The following ACAP3 variants were observed in gnomAD, a reference collection of about 807,000 sequenced individuals.
ACAP3 encodes the protein arf-GAP with coiled-coil, ANK repeat and PH domain-containing protein 3.
In ACAP3, 56 loss-of-function variants were observed where a neutral mutation model predicts 104.1. The observed-to-expected ratio is 0.54, with a 90% CI of 0.43 to 0.67. ACAP3 has a LOEUF of 0.67. Ranked by LOEUF, ACAP3 falls within the 30% of genes least tolerant of loss-of-function variation. The pLI is 0.00. For missense variants in ACAP3, 1,208 were observed against 1,174.9 expected (o/e 1.03, Z -0.41); for synonymous variants, 628 against 496.2 (o/e 1.27, Z -3.53).
intron 1 of ACAP3, chr1:1,307,473 G>C (rs945956811): frequency 7.8e-7 from 1 of 1,289,694 alleles, no homozygotes. Flanking sequence ...GGCCCGGGAG[G>C]GGCTCAGCCC....
chr1:1,293,691 A>T lies in ACAP3; in HGVS notation c.2378T>A (p.Met793Lys), dbSNP rs1640946418. The change falls in exon 24 of 24, where the codon ATG becomes AAG. Residue 793 changes from methionine to lysine, a missense_variant. Physicochemically the swap from Met to Lys is moderately conservative, Grantham distance 95. Coordinates refer to ENST00000354700, the MANE Select transcript of ACAP3 (RefSeq NM_030649.3). ...CTCGGCCTCGCGCATTTCCTCCGCC[A>T]TGCGCGCCAGACGGAGCCTACGGGG... is the stretch of plus-strand genomic sequence containing the variant. ...DIVTLLRLAR[M>K]AEEMREAEAA... is the part of the protein sequence containing the mutation. 7.0e-7 allele frequency: 1 copy of T among 1,429,636 alleles called. No homozygotes were observed. The highest frequency in any genetic ancestry group is 9.1e-7 in the Non-Finnish European group (1 of 1,103,900). 88.6% of individuals were successfully genotyped at this position (1,429,636 alleles called of 1,614,324 possible).
intron 1 of ACAP3, chr1:1,305,571 G>A (rs1174661353): frequency 6.6e-6 from 1 of 152,220 alleles, no homozygotes; most frequent in East Asian, 1.9e-4. Context: ...TGCTCATGGG[G>A]ACAGGGTGGG....
Position 1,303,730 on chromosome 1 carries a change from G to A in ACAP3, c.105+356C>T, listed in dbSNP as rs1570661357. 1 of 436,318 alleles carries A rather than the reference G, an allele frequency of 2.3e-6. No homozygotes were observed. Among genetic ancestry groups the A allele is most frequent in the Admixed American group, 3.9e-5 (1 of 25,324 alleles). The allele number at this position is 436,318 out of a possible 1,614,324, so 27.0% of individuals were successfully genotyped here. A position where few individuals can be genotyped will look rare whatever the true frequency, so the allele number is the denominator to read the frequency against. ...GACACGGCTCCCCCCTCCACGGCCT[G>A]TTGCCCCCTCCCCTTTCTCAGCCCC... On this transcript the variant is annotated intron_variant, in intron 2 of 23. Coordinates refer to ENST00000354700, the MANE Select transcript of ACAP3 (RefSeq NM_030649.3). This position sits in a 1 kb window ranked among gnomAD's most constrained non-coding sequence, Gnocchi z 4.0.
In ACAP3 at chr1:1,295,938, C is replaced by T. The variant is rs764064101; in HGVS notation, c.1503G>A (p.Arg501=). 1.2e-6 allele frequency: 2 copies of T among 1,612,554 alleles called. No individual in the cohort carries two copies. Among genetic ancestry groups the T allele is most frequent in the East Asian group, 2.2e-5 (1 of 44,882 alleles). ...GSRKPTASSS[R]QDKEAWIKDK... is the part of the protein sequence containing the mutation. ...CCTTGATCCAGGCCTCCTTGTCCTG[C>T]CTGGACCAGGGGGGAACATGAGGCT... is the stretch of plus-strand genomic sequence containing the variant. The change falls in exon 18 of 24, where the codon CGG becomes CGA. Residue 501 remains arginine, a splice_region_variant and synonymous_variant. Transcript: ENST00000354700.
At chr1:1,300,946 T>G (rs1288657438) in intron 5 of ACAP3, among the ~76,000 whole-genome samples, 1 of 152,184 alleles carries the variant, frequency 6.6e-6, no homozygotes, top group African/African-American at 2.4e-5. Context: ...TTTGTATTTT[T>G]AGTAGAGATG....
intron 6 of ACAP3, 134 bp downstream of exon 6, chr1:1,300,375 G>A: frequency 8.1e-7 from 1 of 1,241,072 alleles, no homozygotes; most frequent in Non-Finnish European, 1.1e-6. Flanking sequence ...GCTTCCCCAT[G>A]TCTGGAGTTC....
intron 21 of ACAP3, 95 bp from the exon 22 acceptor site, chr1:1,294,294 C>T (rs1417938354): frequency 2.6e-6 from 4 of 1,515,208 alleles, no homozygotes; most frequent in Non-Finnish European, 3.6e-6. Flanking sequence ...CCAGCCGGGA[C>T]CGAACGTGGT....
At chr1:1,306,599 G>A (rs759390645) in intron 1 of ACAP3, among the ~76,000 whole-genome samples, 1 of 152,176 alleles carries the variant, frequency 6.6e-6, no homozygotes, top group Non-Finnish European at 1.5e-5. Flanking sequence ...CAGGGATACA[G>A]AGGCTCCCCG....
rs964654530 is a variant in ACAP3 at position 1,292,583 on chromosome 1, C to T, written c.*981G>A. The T allele has an allele frequency of 6.6e-6, 1 of 152,420 alleles. No individual in the cohort carries two copies. Among genetic ancestry groups the T allele is most frequent in the African/African-American group, 2.4e-5 (1 of 41,466 alleles). 9.4% of individuals were successfully genotyped at this position (152,420 alleles called of 1,614,324 possible). A position where few individuals can be genotyped will look rare whatever the true frequency, so the allele number is the denominator to read the frequency against. ...CCACTGTGCCCTCAGGGAGCCTCCC[C>T]AGGGCAGCATTGCATAGTGACCAGC... On this transcript the variant is annotated 3_prime_UTR_variant, in exon 24 of 24. Transcript: ENST00000354700.
chr1:1,294,676 G>A, intron 20 of ACAP3, 42 bp downstream of exon 20: 1 of 1,544,484 alleles, frequency 6.5e-7, no homozygotes, highest in Non-Finnish European at 8.7e-7. Context: ...GGCTGCCCAG[G>A]GGCTGGGCAG....
rs576317898 is a variant in ACAP3 at position 1,299,332 on chromosome 1, C to A, written c.750+13G>T. The A allele has an allele frequency of 1.3e-6, 2 of 1,594,332 alleles. No homozygotes were observed. Among genetic ancestry groups the A allele is most frequent in the South Asian group, 2.3e-5 (2 of 88,560 alleles). On this transcript the variant is annotated intron_variant, in intron 10 of 23. Transcript: ENST00000354700. ...CCCGACCCACAGCCCGCCCAGGGCCCGTGCTCACTTACCTGCAGCAGCGTC... is the reference window on the plus strand; with the variant it reads ...CCCGACCCACAGCCCGCCCAGGGCCAGTGCTCACTTACCTGCAGCAGCGTC...
Position 1,294,826 on chromosome 1 carries a change from CG to C in ACAP3, c.1814-11del. Reference sequence around the variant, plus strand: ...CTGTCGCTACTCAGACCTGCAGGTCCGCAGGGAAGGGGGTCCTGAGGGTGGG... The same window carrying C: ...CTGTCGCTACTCAGACCTGCAGGTCCCAGGGAAGGGGGTCCTGAGGGTGGG... On this transcript the variant is annotated splice_polypyrimidine_tract_variant and intron_variant, in intron 19 of 23. Transcript: ENST00000354700. The C allele has an allele frequency of 2.6e-6, 4 of 1,549,494 alleles. No individual in the cohort carries two copies. The highest frequency in any genetic ancestry group is 3.5e-6 in the Non-Finnish European group (4 of 1,146,506).
chr1:1,295,480 A>AGTAG lies in ACAP3; in HGVS notation c.1776_1779dup (p.Phe594LeufsTer16). 1 of 1,612,564 alleles carries AGTAG rather than the reference A, an allele frequency of 6.2e-7. No homozygotes were observed. The highest frequency in any genetic ancestry group is 8.5e-7 in the Non-Finnish European group (1 of 1,179,876). On this transcript the variant is annotated frameshift_variant, in exon 19 of 24. Coordinates refer to ENST00000354700, the MANE Select transcript of ACAP3 (RefSeq NM_030649.3). LOFTEE classifies it high-confidence loss of function. ...CCAGCCCCTGCGGCCCCTGCGTCGAAGTAGGAGAAGAGCGAGTCCAGCTCG... is the reference window on the plus strand; with the variant it reads ...CCAGCCCCTGCGGCCCCTGCGTCGAAGTAGGTAGGAGAAGAGCGAGTCCAGCTCG...
At position 1,302,052 on chromosome 1, in the gene ACAP3, G is replaced by A; in HGVS notation, c.280-6C>T. On this transcript the variant is annotated splice_polypyrimidine_tract_variant and splice_region_variant and intron_variant, in intron 4 of 23. Transcript: ENST00000354700. ...TGGGCCTGGTCAAACAGGATCTGGG[G>A]GCAGAGGCGGGCAGAGATCCTTGGG... 1 of 1,525,276 alleles carries A rather than the reference G, an allele frequency of 6.6e-7. No homozygotes were observed. The highest frequency in any genetic ancestry group is 1.4e-5 in the African/African-American group (1 of 71,454). The allele number at this position is 1,525,276 out of a possible 1,614,324, so 94.5% of individuals were successfully genotyped here. A position where few individuals can be genotyped will look rare whatever the true frequency, so the allele number is the denominator to read the frequency against.
chr1:1,296,392 C>T lies in ACAP3; in HGVS notation c.1337+33G>A, dbSNP rs1321558965. On this transcript the variant is annotated intron_variant, in intron 15 of 23. Coordinates refer to ENST00000354700, the MANE Select transcript of ACAP3 (RefSeq NM_030649.3). ...CCCACCTGTGGATGCTCCAGCCCAACCCCCACCCCCAGCCTGGCCCTCAGG... is the reference window on the plus strand; with the variant it reads ...CCCACCTGTGGATGCTCCAGCCCAATCCCCACCCCCAGCCTGGCCCTCAGG... The T allele has an allele frequency of 3.3e-6, 5 of 1,531,440 alleles. No homozygotes were observed. The African/African-American group carries it at 7.9e-5, about 24-fold the overall frequency. 94.9% of individuals were successfully genotyped at this position (1,531,440 alleles called of 1,614,324 possible). A position where few individuals can be genotyped will look rare whatever the true frequency, so the allele number is the denominator to read the frequency against.
intron 1 of ACAP3, among the ~76,000 whole-genome samples, chr1:1,306,769 A>G (rs935588613): frequency 5.9e-5 from 9 of 152,368 alleles, no homozygotes; most frequent in Non-Finnish European, 1.0e-4. Flanking sequence ...TCAAGGAGAC[A>G]CTGCACAGAC....
chr1:1,294,375 T>G, intron 21 of ACAP3, 27 bp downstream of exon 21: 1 of 1,553,060 alleles, frequency 6.4e-7, no homozygotes, highest in Non-Finnish European at 8.7e-7. Context: ...ACCTGTGTCC[T>G]GCGCGCAGCC....
intron 4 of ACAP3, among the ~76,000 whole-genome samples, chr1:1,302,268 C>A (rs929322410): frequency 6.6e-6 from 1 of 152,156 alleles, no homozygotes; most frequent in African/African-American, 2.4e-5. Context: ...CCCACCTGGC[C>A]CTTGATGAGT....
Position 1,293,652 on chromosome 1 carries a change from G to T in ACAP3, c.2417C>A (p.Pro806His). 1 of 1,474,322 alleles carries T rather than the reference G, an allele frequency of 6.8e-7. No homozygotes were observed. The highest frequency in any genetic ancestry group is 8.9e-7 in the Non-Finnish European group (1 of 1,121,544). 91.3% of individuals were successfully genotyped at this position (1,474,322 alleles called of 1,614,324 possible). The change falls in exon 24 of 24, where the codon CCC becomes CAC. Residue 806 changes from proline to histidine, a missense_variant. Pro to His is a moderately conservative substitution (Grantham distance 77). Coordinates refer to ENST00000354700, the MANE Select transcript of ACAP3 (RefSeq NM_030649.3). ...GGGGCTGCCCGCCAGGGCGCCCGGGGGACCAGGGGCAGCCTCGGCCTCGCG... is the reference window on the plus strand; with the variant it reads ...GGGGCTGCCCGCCAGGGCGCCCGGGTGACCAGGGGCAGCCTCGGCCTCGCG... Reference protein sequence around the residue: ...EMREAEAAPGPPGALAGSPTE... With the variant: ...EMREAEAAPGHPGALAGSPTE...
Sources: allele counts gnomAD v4.1 joint callset (sites outside exome capture counted in the v4.1 genomes callset), GRCh38; gene constraint gnomAD v4.1.1; non-coding constraint Gnocchi (gnomAD v3.1); transcripts MANE v1.5; gene names NCBI Gene and HGNC (gene_info 2026-07-23, HGNC 2026-07-21).